The following BRD2 variants were observed in gnomAD, a reference collection of about 807,000 sequenced individuals.
BRD2 encodes bromodomain-containing protein 2.
A neutral mutation model predicts 79.1 loss-of-function variants in BRD2; 15 were observed. The observed-to-expected ratio is 0.19, with a 90% CI of 0.13 to 0.29. BRD2 has a LOEUF of 0.29. BRD2 is among the 10% of genes least tolerant of loss of function. The pLI is 1.00. For missense variants in BRD2, 1,053 were observed against 991.3 expected (o/e 1.06, Z -0.84); for synonymous variants, 488 against 358.6 (o/e 1.36, Z -4.08).
Position 32,974,549 on chromosome 6 carries a change from G to C in BRD2, c.117G>C (p.Leu39Phe). The change falls in exon 3 of 13, where the codon TTG becomes TTC. Residue 39 changes from leucine (L) to phenylalanine (F), a missense_variant. By Grantham distance (22) the Leu-to-Phe change is conservative. Around this residue, in one of 5 missense-constraint regions of BRD2, gnomAD observed 413 missense variants for 335.1 expected, o/e 1.23. Coordinates refer to ENST00000374825, the MANE Select transcript of BRD2 (RefSeq NM_005104.4). The part of the protein sequence containing the change: ...PGKRIRKPSL[L>F]YEGFESPTMA... Reference sequence around the variant, plus strand: ...AGAGGATTCGAAAACCCTCTCTCTTGTATGAGGGCTTTGAGAGCCCCACAA... The same window carrying C: ...AGAGGATTCGAAAACCCTCTCTCTTCTATGAGGGCTTTGAGAGCCCCACAA... The C allele has an allele frequency of 6.2e-7, 1 of 1,614,222 alleles. No individual in the cohort carries two copies. Among genetic ancestry groups the C allele is most frequent in the African/African-American group, 1.3e-5 (1 of 75,056 alleles).
chr6:32,975,643 A>G, intron 4 of BRD2, 122 bp downstream of exon 4: 2 of 1,282,810 alleles, frequency 1.6e-6, no homozygotes, highest in Non-Finnish European at 2.2e-6. Flanking sequence ...CAGGTAGGGT[A>G]GTCGGAGTCT....
chr6:32,974,373 G>T, intron 2 of BRD2, 89 bp from the exon 3 acceptor site: 1 of 1,371,336 alleles, frequency 7.3e-7, no homozygotes, highest in African/African-American at 1.4e-5. Context: ...CCTCACTAGG[G>T]CCAGCACCTG....
At chr6:32,975,166 G>C (rs1167710506) in intron 3 of BRD2, 1 of 1,448,786 alleles carries the variant, frequency 6.9e-7, no homozygotes, top group Non-Finnish European at 9.3e-7. Flanking sequence ...GGTGGTTAGA[G>C]AAAGGCAGCA....
chr6:32,977,616 T>A, intron 8 of BRD2, 46 bp downstream of exon 8: 1 of 1,609,778 alleles, frequency 6.2e-7, no homozygotes, highest in Non-Finnish European at 8.5e-7. Context: ...TATGGGGAGT[T>A]ATTTTGTCAT....
intron 10 of BRD2, chr6:32,979,467 T>C (rs546008027): frequency 1.3e-4 from 35 of 279,736 alleles, no homozygotes; most frequent in Non-Finnish European, 1.8e-4. Flanking sequence ...TGCTTCACTT[T>C]ACGGAGTTTT....
chr6:32,980,290 A>T, intron 11 of BRD2, 52 bp from the exon 12 acceptor site: 1 of 1,604,958 alleles, frequency 6.2e-7, no homozygotes, highest in South Asian at 1.1e-5. Context: ...AGGGGCCCAT[A>T]ATAAGATGCT....
Position 32,977,831 on chromosome 6 carries a change from C to T in BRD2, c.1404C>T (p.Ala468=), listed in dbSNP as rs138688346. The change falls in exon 9 of 13, where the codon GCC becomes GCT. Residue 468 remains alanine (A), a synonymous_variant. Coordinates refer to ENST00000374825, the MANE Select transcript of BRD2 (RefSeq NM_005104.4). The part of the protein sequence containing the change: ...LEPGPLPVST[A]MPPGLAKSSS... ...CAGGGCCTTTACCAGTCTCTACTGCCATGCCCCCTGGCTTGGCCAAATCGT... is the reference window on the plus strand; with the variant it reads ...CAGGGCCTTTACCAGTCTCTACTGCTATGCCCCCTGGCTTGGCCAAATCGT... The T allele has an allele frequency of 1.2e-6, 2 of 1,613,108 alleles. No homozygotes were observed. Among genetic ancestry groups the T allele is most frequent in the South Asian group, 1.1e-5 (1 of 91,088 alleles).
At chr6:32,971,475 G>C (rs1449257890) in intron 1 of BRD2, 120 bp from the exon 2 acceptor site, 1 of 414,306 alleles carries the variant, frequency 2.4e-6, no homozygotes, top group African/African-American at 2.1e-5. Context: ...TGGCAACACT[G>C]TTTTAGACTG....
chr6:32,972,903 T>C lies in BRD2; in HGVS notation c.5T>C (p.Leu2Pro). M[L>P]QNVTPHNKLP... Reference sequence around the variant, plus strand: ...CGCCGGTTCCTTGCGGTCAAGATGCTGCAAAACGTGACTCCCCACAATAAG... The same window carrying C: ...CGCCGGTTCCTTGCGGTCAAGATGCCGCAAAACGTGACTCCCCACAATAAG... Residue 2 changes from leucine (L) to proline (P), a missense_variant, in exon 2 of 13, where the codon CTG becomes CCG. By Grantham distance (98) the Leu-to-Pro change is moderately conservative (BLOSUM62 -3). Coordinates refer to ENST00000374825, the MANE Select transcript of BRD2 (RefSeq NM_005104.4). 1 of 1,614,054 alleles carries C rather than the reference T, an allele frequency of 6.2e-7. No individual in the cohort carries two copies. Among genetic ancestry groups the C allele is most frequent in the Non-Finnish European group, 8.5e-7 (1 of 1,179,968 alleles).
rs1778860951 is a variant in BRD2 at position 32,977,083 on chromosome 6, G to A, written c.1200+147G>A. ...ATAATAGTGGAACAGAAGGTCTGGT[G>A]TTTTGAGAATTTGTATTTCTTGGAG... is the stretch of plus-strand genomic sequence containing the variant. On this transcript the variant is annotated intron_variant, in intron 7 of 12. Coordinates refer to ENST00000374825, the MANE Select transcript of BRD2 (RefSeq NM_005104.4). 5 of 1,277,814 alleles carry A rather than the reference G, an allele frequency of 3.9e-6. No individual in the cohort carries two copies. In the South Asian group the frequency reaches 4.7e-5, roughly 12 times the overall value. 79.2% of individuals were successfully genotyped at this position (1,277,814 alleles called of 1,614,324 possible).
Position 32,976,618 on chromosome 6 carries a change from G to T in BRD2, c.882G>T (p.Leu294Phe), listed in dbSNP as rs924724470. 1 of 1,610,914 alleles carries T rather than the reference G, an allele frequency of 6.2e-7. No individual in the cohort carries two copies. The highest frequency in any genetic ancestry group is 1.3e-5 in the African/African-American group (1 of 74,908). The part of the protein sequence containing the change: ...DTTTPTPTAI[L>F]APGSPASPPG... ...CCACCCCTACACCTACAGCCATCTT[G>T]GCTCCTGGTTCTCCAGCTAGCCCTC... The change falls in exon 7 of 13, where the codon TTG (leucine) becomes TTT (phenylalanine). Residue 294 changes from leucine to phenylalanine, a missense_variant. Physicochemically the swap from Leu to Phe is conservative, Grantham distance 22 (BLOSUM62 0). Coordinates refer to ENST00000374825, the MANE Select transcript of BRD2 (RefSeq NM_005104.4).
At chr6:32,977,682 G>T (rs1778944174) in intron 8 of BRD2, 75 bp from the exon 9 acceptor site, 1 of 1,604,250 alleles carries the variant, frequency 6.2e-7, no homozygotes, top group Admixed American at 1.7e-5. Context: ...TTGTAAATTG[G>T]AGCTATATCA....
chr6:32,980,027 C>T lies in BRD2; in HGVS notation c.2041C>T (p.Pro681Ser). 2 of 1,613,026 alleles carry T rather than the reference C, an allele frequency of 1.2e-6. No individual in the cohort carries two copies. The highest frequency in any genetic ancestry group is 1.7e-6 in the Non-Finnish European group (2 of 1,180,014). Residue 681 changes from proline (P) to serine (S), a missense_variant, in exon 11 of 13, where the codon CCA becomes TCA. Pro to Ser is a moderately conservative substitution (Grantham distance 74, BLOSUM62 -1). Transcript: ENST00000374825. ...AREPSLRDSNPEEIEIDFETL... is the reference protein window; with the variant it reads ...AREPSLRDSNSEEIEIDFETL... ...GGAGCCCTCTTTACGTGATTCAAACCCAGAAGAGATTGAGATTGATTTTGA... is the reference window on the plus strand; with the variant it reads ...GGAGCCCTCTTTACGTGATTCAAACTCAGAAGAGATTGAGATTGATTTTGA...
intron 10 of BRD2, 106 bp from the exon 11 acceptor site, chr6:32,979,720 CAG>C (rs1333860412): frequency 9.8e-6 from 13 of 1,328,300 alleles, no homozygotes; most frequent in East Asian, 7.4e-5. Flanking sequence ...AATGGAAAAA[CAG>C]AAGCTCCACT....
intron 11 of BRD2, 83 bp downstream of exon 11, chr6:32,980,215 A>C (rs1340936347): frequency 1.3e-6 from 2 of 1,573,834 alleles, no homozygotes; most frequent in Non-Finnish European, 1.7e-6. Context: ...CAGGATTGTC[A>C]GCTCCCAGGA....
Position 32,978,176 on chromosome 6 carries a change from C to T in BRD2, c.1629C>T (p.Ser543=). 6.2e-7 allele frequency: 1 copy of T among 1,612,858 alleles called. No individual in the cohort carries two copies. The highest frequency in any genetic ancestry group is 8.5e-7 in the Non-Finnish European group (1 of 1,179,982). The change falls in exon 10 of 13, where the codon TCC becomes TCT. Residue 543 remains serine, a synonymous_variant. Coordinates refer to ENST00000374825, the MANE Select transcript of BRD2 (RefSeq NM_005104.4). ...CTGCTCTGTCCCAGGGTCCAATATC[C>T]AAGCCCAAGAGGAAAAGAGAGAAAA... is the stretch of plus-strand genomic sequence containing the variant. ...QLAALSQGPI[S]KPKRKREKKE... is the part of the protein sequence containing the mutation.
rs11555940 is a variant in BRD2, at chr6:32,972,365, C to T, written c.-534C>T. ...GGTCCCAGCGGGCAGTACAGACCCC[C>T]TAGAAGCCCCTGGAGCTCCCCTTTT... On this transcript the variant is annotated 5_prime_UTR_variant, in exon 2 of 13. Transcript: ENST00000374825. The T allele has an allele frequency of 0.031, 9,962 of 319,812 alleles. 325 individuals are homozygous for T. The highest frequency in any genetic ancestry group is 0.092 in the African/African-American group (4,184 of 45,394). The allele number at this position is 319,812 out of a possible 1,614,324, so 19.8% of individuals were successfully genotyped here. A position where few individuals can be genotyped will look rare whatever the true frequency, so the allele number is the denominator to read the frequency against.
At position 32,974,686 on chromosome 6, in the gene BRD2, T is replaced by C; in HGVS notation, c.254T>C (p.Val85Ala). The change falls in exon 3 of 13, where the codon GTA (valine) becomes GCA (alanine). Residue 85 changes from valine to alanine, a missense_variant. Coordinates refer to ENST00000374825, the MANE Select transcript of BRD2 (RefSeq NM_005104.4). ...AACCAGCTGCAATACCTACACAAGG[T>C]AGTGATGAAGGCTCTGTGGAAACAT... is the stretch of plus-strand genomic sequence containing the variant. ...VTNQLQYLHK[V>A]VMKALWKHQF... 6.2e-7 allele frequency: 1 copy of C among 1,614,108 alleles called. No homozygotes were observed.
intron 10 of BRD2, 66 bp downstream of exon 10, chr6:32,978,454 CTT>C: frequency 6.4e-7 from 1 of 1,560,488 alleles, no homozygotes; most frequent in Non-Finnish European, 8.6e-7. Context: ...TGCCATCTCT[CTT>C]TGCAAAGATA....
Sources: gnomAD v4.1 joint callset for allele counts on GRCh38, gnomAD v4.1.1 for gene constraint, gnomAD v4.1.1 regional missense constraint, MANE v1.5 for transcripts, NCBI Gene and HGNC (gene_info 2026-07-23, HGNC 2026-07-21) for gene names.